MYO1B: variants seen among roughly 807,000 people sequenced by gnomAD.
MYO1B encodes the protein myosin IB.
Under a neutral mutation model 159.7 loss-of-function variants are expected in MYO1B, and 72 were observed. The ratio of observed to expected loss-of-function variants is 0.45; its 90% CI spans 0.37 to 0.55. The LOEUF is 0.55. Among genes scored for constraint, MYO1B ranks in the 20% least tolerant of loss-of-function variants. MYO1B has a pLI of 0.00. For missense variants in MYO1B, 1,062 were observed against 1,364.8 expected (o/e 0.78, Z 3.50); for synonymous variants, 468 against 473.8 (o/e 0.99, Z 0.16).
chr2:191,370,119 C>A, intron 12 of MYO1B, 108 bp from the exon 13 acceptor site: 1 of 724,412 alleles, frequency 1.4e-6, no homozygotes. Flanking sequence ...TAGTTATTTT[C>A]TTACTTAAGA....
At chr2:191,400,923 C>A in intron 23 of MYO1B, 88 bp downstream of exon 23, 1 of 1,247,680 alleles carries the variant, frequency 8.0e-7, no homozygotes, top group Non-Finnish European at 1.1e-6. Flanking sequence ...TGAATGACTA[C>A]AATTAATAGT....
At chr2:191,385,193 T>C (rs1033830932) in intron 15 of MYO1B, among the ~76,000 whole-genome samples, 1 of 152,218 alleles carries the variant, frequency 6.6e-6, no homozygotes, top group African/African-American at 2.4e-5. Flanking sequence ...CTGACTACTC[T>C]TGGAATAAAA....
chr2:191,316,668 G>T (rs1311284512), intron 3 of MYO1B, among the ~76,000 whole-genome samples: 1 of 152,182 alleles, frequency 6.6e-6, no homozygotes, highest in Non-Finnish European at 1.5e-5. Flanking sequence ...TTGGAGACAT[G>T]TGCCTTCATT....
intron 1 of MYO1B, among the ~76,000 whole-genome samples, chr2:191,254,979 G>A (rs937687283): frequency 6.6e-6 from 1 of 152,140 alleles, no homozygotes; most frequent in Non-Finnish European, 1.5e-5. Flanking sequence ...TCAGGCCGGA[G>A]TACAGTGGTG....
At chr2:191,326,770 A>ATGTGTGTGTGTGTG (rs35184577) in intron 3 of MYO1B, among the ~76,000 whole-genome samples, 3 of 137,060 alleles carry the variant, frequency 2.2e-5, no homozygotes, top group Non-Finnish European at 4.7e-5. Context: ...GTTTGTATAT[A>ATGTGTGTGTGTGTG]TGTGTGTGTG....
chr2:191,249,594 C>G (rs1685989066), intron 1 of MYO1B, among the ~76,000 whole-genome samples: 1 of 152,208 alleles, frequency 6.6e-6, no homozygotes, highest in Non-Finnish European at 1.5e-5. Context: ...ACACCAAGTA[C>G]AGGAGCAGAC....
chr2:191,370,128 G>T (rs922788107), intron 12 of MYO1B, 99 bp from the exon 13 acceptor site: 1 of 775,564 alleles, frequency 1.3e-6, no homozygotes, highest in Non-Finnish European at 2.1e-6. Flanking sequence ...TCTTACTTAA[G>T]AAACATAATT....
chr2:191,286,925 T>C (rs555143817), intron 2 of MYO1B, among the ~76,000 whole-genome samples: 7 of 152,266 alleles, frequency 4.6e-5, no homozygotes, highest in Non-Finnish European at 8.8e-5. Context: ...AGCTAGACCC[T>C]GTCTCAAAAC....
At chr2:191,294,543 A>G (rs1206150312) in intron 2 of MYO1B, among the ~76,000 whole-genome samples, 1 of 152,190 alleles carries the variant, frequency 6.6e-6, no homozygotes, top group Non-Finnish European at 1.5e-5. Flanking sequence ...TGCTTGTGAC[A>G]TTGTCCTTGG....
chr2:191,370,748 C>G (rs1174462191), intron 13 of MYO1B, among the ~76,000 whole-genome samples: 1 of 152,186 alleles, frequency 6.6e-6, no homozygotes, highest in African/African-American at 2.4e-5. Flanking sequence ...TCTGGCCTTG[C>G]CAGGGCTGGT....
intron 1 of MYO1B, among the ~76,000 whole-genome samples, chr2:191,246,550 G>GC (rs71030330): frequency 2.7e-5 from 4 of 148,016 alleles, no homozygotes; most frequent in African/African-American, 1.0e-4. Context: ...AGTGAAAGAA[G>GC]CCCCCCCCCC....
intron 1 of MYO1B, among the ~76,000 whole-genome samples, chr2:191,265,184 CCT>C (rs964943669): frequency 5.3e-5 from 7 of 130,914 alleles, no homozygotes; most frequent in Admixed American, 1.6e-4. Flanking sequence ...TGGGAAGGCC[CCT>C]GTTTTTTTTT....
rs144752484 is a variant in MYO1B at position 191,306,933 on chromosome 2, C to T, written c.251+10707C>T. ...CCCCCAGCACCAACCAGTTATCTGA[C>T]ACTAACTGGGTGTCCAACAGTTCAG... On this transcript the variant is annotated intron_variant, in intron 3 of 30. Transcript: ENST00000392318. Among the ~76,000 whole-genome samples the T allele has an allele frequency of 1.8e-3, 270 of 152,328 alleles. 4 individuals carry two copies. The highest frequency in any genetic ancestry group is 0.01 in the Middle Eastern group (3 of 294).
intron 17 of MYO1B, among the ~76,000 whole-genome samples, chr2:191,388,982 G>A (rs1195817998): frequency 2.6e-5 from 4 of 152,058 alleles, no homozygotes; most frequent in Admixed American, 2.0e-4. Context: ...TATAGTTTCA[G>A]ATTTCATATT....
chr2:191,414,748 C>T (rs1293237787), intron 29 of MYO1B, 79 bp downstream of exon 29: 5 of 1,479,406 alleles, frequency 3.4e-6, no homozygotes, highest in African/African-American at 1.4e-5. Flanking sequence ...ATAATCCTAT[C>T]GCAGTTTATA....
At position 191,350,998 on chromosome 2, in the gene MYO1B, G is replaced by A. The variant is rs200880515; in HGVS notation, c.562+773G>A. Among the ~76,000 whole-genome samples, 36 of 152,020 alleles carry A rather than the reference G, an allele frequency of 2.4e-4. No homozygotes were observed. The East Asian group carries it at 5.2e-3, about 22-fold the overall frequency. On this transcript the variant is annotated intron_variant, in intron 7 of 30. Coordinates refer to ENST00000392318, the MANE Select transcript of MYO1B (RefSeq NM_001130158.3). The stretch of plus-strand genomic sequence containing the variant: ...CTGATGTCCCTGCTCCTCTTGACTC[G>A]TGGTTGATTAGTTTGGAAAATGTAA...
intron 3 of MYO1B, among the ~76,000 whole-genome samples, chr2:191,309,310 C>T (rs1689848757): frequency 6.6e-6 from 1 of 152,248 alleles, no homozygotes; most frequent in Non-Finnish European, 1.5e-5. Context: ...GCCTGATCAT[C>T]CTAACCACGT....
intron 3 of MYO1B, among the ~76,000 whole-genome samples, chr2:191,327,614 A>G (rs551690782): frequency 1.3e-5 from 2 of 152,296 alleles, no homozygotes; most frequent in African/African-American, 4.8e-5. Flanking sequence ...GTTTTCCACT[A>G]TCCCCATTAT....
chr2:191,309,817 C>T (rs1166355830), intron 3 of MYO1B, among the ~76,000 whole-genome samples: 2 of 152,200 alleles, frequency 1.3e-5, no homozygotes, highest in Non-Finnish European at 2.9e-5. Context: ...TTTGTGCTTA[C>T]CTGACATCTT....
Sources: allele counts gnomAD v4.1 joint callset (sites outside exome capture counted in the v4.1 genomes callset), GRCh38; gene constraint gnomAD v4.1.1; transcripts MANE v1.5; gene names NCBI Gene and HGNC (gene_info 2026-07-23, HGNC 2026-07-21).